The following PRKD1 variants were observed in gnomAD, a reference collection of about 807,000 sequenced individuals.
The protein encoded by PRKD1 is serine/threonine-protein kinase D1.
Under a neutral mutation model 95.9 loss-of-function variants are expected in PRKD1, and 63 were observed. That is an observed-to-expected ratio of 0.66 (90% CI 0.54 to 0.81). The LOEUF (loss-of-function observed/expected upper bound fraction) is 0.81, where lower values mean the gene tolerates loss of function less well. PRKD1 is among the 30% of genes least tolerant of loss of function. The pLI is 0.00. For synonymous variants in PRKD1, 425 were observed against 423.1 expected, an observed-to-expected ratio of 1.00 and a Z score of -0.05; for missense variants, 1,048 against 1,165.3, an observed-to-expected ratio of 0.90 and a Z score of 1.47.
chr14:29,594,170 C>T, intron 16 of PRKD1: 1 of 451,800 alleles, frequency 2.2e-6, no homozygotes, highest in Non-Finnish European at 4.4e-6. Context: ...AAGTCAACAT[C>T]TACACTAACA....
At chr14:29,632,725 T>C (rs547727734) in intron 9 of PRKD1, 144 bp downstream of exon 9, 2 of 683,958 alleles carry the variant, frequency 2.9e-6, no homozygotes, top group Admixed American at 2.8e-5. Flanking sequence ...ATTTGTAGAC[T>C]ATAGAGAAGA....
chr14:29,902,475 T>C (rs1372125690), intron 1 of PRKD1, among the ~76,000 whole-genome samples: 3 of 152,226 alleles, frequency 2.0e-5, no homozygotes, highest in Admixed American at 2.0e-4. Flanking sequence ...GCTGATGTTA[T>C]AATTTCCTTT....
chr14:29,917,971 C>T (rs189497306), intron 1 of PRKD1, among the ~76,000 whole-genome samples: 8 of 151,846 alleles, frequency 5.3e-5, no homozygotes, highest in Middle Eastern at 3.4e-3. Flanking sequence ...GGTACATGTA[C>T]GGTTTTGTTA....
chr14:29,798,512 GTCT>G (rs1425683555), intron 1 of PRKD1, among the ~76,000 whole-genome samples: 1 of 152,150 alleles, frequency 6.6e-6, no homozygotes, highest in Non-Finnish European at 1.5e-5. Flanking sequence ...ATAGGCTAAA[GTCT>G]TCTGACTACC....
At chr14:29,820,514 C>T (rs531205743) in intron 1 of PRKD1, among the ~76,000 whole-genome samples, 1 of 152,238 alleles carries the variant, frequency 6.6e-6, no homozygotes, top group Non-Finnish European at 1.5e-5. Context: ...GCTCTCCTAG[C>T]TGACAGGAAA....
chr14:29,802,632 C>T (rs1239110454), intron 1 of PRKD1, among the ~76,000 whole-genome samples: 1 of 152,168 alleles, frequency 6.6e-6, no homozygotes, highest in Non-Finnish European at 1.5e-5. Context: ...GTTGGAGCAA[C>T]AGATAAAAGA....
intron 16 of PRKD1, among the ~76,000 whole-genome samples, chr14:29,584,860 T>C (rs1594338624): frequency 7.1e-4 from 1 of 1,406 alleles, no homozygotes; most frequent in South Asian, 6.4e-3. Context: ...ACAATGTGTA[T>C]TTTTTCAGGC....
At chr14:29,720,479 CAA>C (rs1036620923) in intron 2 of PRKD1, among the ~76,000 whole-genome samples, 12 of 151,760 alleles carry the variant, frequency 7.9e-5, no homozygotes, top group Admixed American at 2.0e-4. Context: ...AAAAAACAAA[CAA>C]AAAAAATCCT....
At chr14:29,890,669 T>C (rs753327875) in intron 1 of PRKD1, among the ~76,000 whole-genome samples, 11 of 152,146 alleles carry the variant, frequency 7.2e-5, no homozygotes, top group Non-Finnish European at 1.6e-4. Context: ...TCCAAGCATA[T>C]TCCAAAGAAA....
intron 1 of PRKD1, among the ~76,000 whole-genome samples, chr14:29,830,945 A>G (rs1241445283): frequency 6.6e-6 from 1 of 152,216 alleles, no homozygotes; most frequent in Non-Finnish European, 1.5e-5. Flanking sequence ...TTGGCCTCCC[A>G]AAGTGTTGGG....
chr14:29,663,641 C>T, intron 4 of PRKD1, 58 bp downstream of exon 4: 3 of 1,574,728 alleles, frequency 1.9e-6, no homozygotes, highest in Non-Finnish European at 2.6e-6. Flanking sequence ...ACATTGCTAT[C>T]ACATCACCCC....
chr14:29,834,013 CT>C (rs1438831851), intron 1 of PRKD1, among the ~76,000 whole-genome samples: 1 of 152,124 alleles, frequency 6.6e-6, no homozygotes, highest in African/African-American at 2.4e-5. Flanking sequence ...CAATCTTCCC[CT>C]GATGGAGATC....
intron 1 of PRKD1, among the ~76,000 whole-genome samples, chr14:29,862,728 A>G (rs972986521): frequency 2.0e-5 from 3 of 151,998 alleles, no homozygotes; most frequent in Non-Finnish European, 4.4e-5. Context: ...TTTTTTTCCT[A>G]TAGAGTTGTG....
At chr14:29,801,250 T>TC (rs1300245829) in intron 1 of PRKD1, among the ~76,000 whole-genome samples, 1 of 152,136 alleles carries the variant, frequency 6.6e-6, no homozygotes, top group Non-Finnish European at 1.5e-5. Context: ...TGATGAGGCC[T>TC]CCCCACATTA....
At chr14:29,676,183 G>GTTTTTTTTT in intron 2 of PRKD1, among the ~76,000 whole-genome samples, 1 of 67,442 alleles carries the variant, frequency 1.5e-5, no homozygotes, top group South Asian at 5.3e-4. Context: ...TTACGTTTTT[G>GTTTTTTTTT]TTTTTTTTTT....
rs77868375 is a variant in PRKD1 at position 29,685,405 on chromosome 14, T to C, written c.404-19197A>G. ...GGAAGCTTCATTCTGATAAAAGGGA[T>C]AGAATAGCACATTGAAATATCTGAA... On this transcript the variant is annotated intron_variant, in intron 2 of 17. Transcript: ENST00000331968. Among the ~76,000 whole-genome samples the C allele has an allele frequency of 7.5e-3, 1,137 of 152,318 alleles. 12 individuals carry two copies. The highest frequency in any genetic ancestry group is 0.026 in the African/African-American group (1,065 of 41,562).
chr14:29,758,694 T>C (rs1566583638), intron 1 of PRKD1, among the ~76,000 whole-genome samples: 3 of 152,236 alleles, frequency 2.0e-5, no homozygotes, highest in Non-Finnish European at 4.4e-5. Flanking sequence ...TTTTCAACCA[T>C]TATTTTTAAA....
At chr14:29,775,934 C>CT (rs1371180684) in intron 1 of PRKD1, among the ~76,000 whole-genome samples, 1 of 152,124 alleles carries the variant, frequency 6.6e-6, no homozygotes, top group African/African-American at 2.4e-5. Context: ...CCAGGTGCCC[C>CT]TCTGAGACGA....
At chr14:29,603,543 T>C (rs1463344644) in intron 13 of PRKD1, among the ~76,000 whole-genome samples, 1 of 152,192 alleles carries the variant, frequency 6.6e-6, no homozygotes. Context: ...TCCATTTTCA[T>C]GTGTAATTAT....
Sources: gnomAD v4.1 joint callset for allele counts (sites outside exome capture counted in the v4.1 genomes callset) on GRCh38, gnomAD v4.1.1 for gene constraint, MANE v1.5 for transcripts, NCBI Gene and HGNC (gene_info 2026-07-23, HGNC 2026-07-21) for gene names.